Variants in CNBD1 observed in about 807,000 individuals in gnomAD.
CNBD1 encodes cyclic nucleotide-binding domain-containing protein 1.
In CNBD1, 71 loss-of-function variants were observed where a neutral mutation model predicts 54.4. The observed-to-expected ratio is 1.30, with a 90% CI of 1.08 to 1.59. The LOEUF is 1.59. Among genes scored for constraint, CNBD1 ranks in the 40% most tolerant of loss-of-function variants. The pLI, the probability that CNBD1 is intolerant of heterozygous loss-of-function variation, is 0.00. For synonymous variants in CNBD1, 182 were observed against 170.7 expected (o/e 1.07, Z -0.51); for missense variants, 659 against 518.0 (o/e 1.27, Z -2.64).
intron 10 of CNBD1, among the ~76,000 whole-genome samples, chr8:87,381,426 A>G (rs78647061): frequency 0.019 from 2,871 of 152,092 alleles, 91 homozygotes; most frequent in African/African-American, 0.062. Context: ...GCACTCTGTT[A>G]ATGGGAGCAC....
At chr8:87,177,404 T>C (rs930360097) in intron 4 of CNBD1, among the ~76,000 whole-genome samples, 4 of 152,164 alleles carry the variant, frequency 2.6e-5, no homozygotes, top group Admixed American at 6.6e-5. Flanking sequence ...GGAAAAAAAT[T>C]GGGAGATGGA....
chr8:87,285,458 C>T (rs1808675555), intron 7 of CNBD1, among the ~76,000 whole-genome samples: 1 of 152,272 alleles, frequency 6.6e-6, no homozygotes, highest in East Asian at 1.9e-4. Context: ...GAGATTGAGG[C>T]TAGGGGCGGT....
At chr8:87,057,869 A>G (rs907656616) in intron 4 of CNBD1, among the ~76,000 whole-genome samples, 3 of 151,564 alleles carry the variant, frequency 2.0e-5, no homozygotes, top group Non-Finnish European at 2.9e-5. Flanking sequence ...AAACAAAGAC[A>G]CACACACACA....
intron 2 of CNBD1, among the ~76,000 whole-genome samples, chr8:86,891,626 A>G (rs1808769974): frequency 6.6e-6 from 1 of 152,150 alleles, no homozygotes; most frequent in African/African-American, 2.4e-5. Context: ...TGTGAAGATG[A>G]CATTGGAATT....
chr8:87,372,652 T>G (rs1810837183), intron 10 of CNBD1, among the ~76,000 whole-genome samples: 1 of 151,788 alleles, frequency 6.6e-6, no homozygotes, highest in South Asian at 2.1e-4. Context: ...ACATAATACT[T>G]TATTTGTCCA....
rs535084319 is a variant in CNBD1 at position 87,018,071 on chromosome 8, C to T, written c.431+78317C>T. On this transcript the variant is annotated intron_variant, in intron 4 of 10. Coordinates refer to ENST00000518476, the MANE Select transcript of CNBD1 (RefSeq NM_173538.3). ...CCAGCCTGACCAACATGGAGAAACC[C>T]CATCTCTACTGAAAATGCAAAATTA... is the stretch of plus-strand genomic sequence containing the variant. Among the ~76,000 whole-genome samples the T allele has an allele frequency of 6.6e-5, 10 of 152,128 alleles. No homozygotes were observed. The South Asian group carries it at 2.1e-3, about 32-fold the overall frequency.
At chr8:87,276,646 A>G (rs1184163564) in intron 6 of CNBD1, among the ~76,000 whole-genome samples, 2 of 151,872 alleles carry the variant, frequency 1.3e-5, no homozygotes, top group Admixed American at 6.6e-5. Flanking sequence ...CTTGCTGAGA[A>G]CAACTATAAA....
At chr8:87,095,921 A>G (rs187060502) in intron 4 of CNBD1, among the ~76,000 whole-genome samples, 209 of 152,180 alleles carry the variant, frequency 1.4e-3, no homozygotes, top group Middle Eastern at 3.4e-3. Context: ...GCCTCCCAAA[A>G]TGTTGGGATT....
At chr8:87,232,786 G>A (rs753313808) in intron 5 of CNBD1, among the ~76,000 whole-genome samples, 15 of 152,092 alleles carry the variant, frequency 9.9e-5, no homozygotes, top group Non-Finnish European at 1.6e-4. Flanking sequence ...AGGGAAATGT[G>A]TTGGATGATG....
At chr8:86,891,179 G>C (rs1019628438) in intron 2 of CNBD1, among the ~76,000 whole-genome samples, 1 of 151,886 alleles carries the variant, frequency 6.6e-6, no homozygotes, top group Non-Finnish European at 1.5e-5. Context: ...CAATGTCATG[G>C]AACTTTTCCC....
intron 8 of CNBD1, among the ~76,000 whole-genome samples, chr8:87,303,284 CAG>C (rs1247937936): frequency 4.6e-5 from 7 of 151,856 alleles, no homozygotes; most frequent in Non-Finnish European, 2.9e-5. Flanking sequence ...GGTACCAAAA[CAG>C]AGATATAGAC....
intron 6 of CNBD1, among the ~76,000 whole-genome samples, chr8:87,265,622 G>A (rs997069328): frequency 2.0e-5 from 3 of 152,080 alleles, no homozygotes; most frequent in African/African-American, 7.2e-5. Context: ...TAGATTTGAG[G>A]ATGGCAGTTT....
chr8:87,426,780 G>T (rs535861885), intron 2 of CNBD1, among the ~76,000 whole-genome samples: 4 of 152,046 alleles, frequency 2.6e-5, no homozygotes, highest in Non-Finnish European at 5.9e-5. Flanking sequence ...AGTTTCCTTG[G>T]CTCACTTCTT....
intron 2 of CNBD1, among the ~76,000 whole-genome samples, chr8:87,413,813 C>T (rs553086010): frequency 7.0e-4 from 105 of 150,878 alleles, no homozygotes; most frequent in African/African-American, 1.9e-3. Flanking sequence ...AAATCAAAAC[C>T]ACAATGAGAT....
chr8:87,411,258 T>C (rs961203528), intron 2 of CNBD1, among the ~76,000 whole-genome samples: 1 of 151,682 alleles, frequency 6.6e-6, no homozygotes, highest in East Asian at 2.0e-4. Context: ...TAGTTGAAGC[T>C]AAACATATTT....
rs982888070 is a variant in CNBD1, at chr8:87,364,188, T to C, written c.1303+10402T>C. 5.3e-5 allele frequency among the ~76,000 whole-genome samples: 8 copies of C among 151,552 alleles called. No individual in the cohort carries two copies. In the East Asian group the frequency reaches 1.4e-3, roughly 26 times the overall value. ...TTAATTTTTACTTGGAGAGATTATCTCAAAAAATATTGTATATCACATATA... is the reference window on the plus strand; with the variant it reads ...TTAATTTTTACTTGGAGAGATTATCCCAAAAAATATTGTATATCACATATA... On this transcript the variant is annotated intron_variant, in intron 10 of 10. Transcript: ENST00000518476.
At position 87,060,468 on chromosome 8, in the gene CNBD1, C is replaced by T. The variant is rs564144624; in HGVS notation, c.431+120714C>T. Among the ~76,000 whole-genome samples, 10 of 152,278 alleles carry T rather than the reference C, an allele frequency of 6.6e-5. No homozygotes were observed. In the East Asian group the frequency reaches 1.5e-3, roughly 24 times the overall value. ...TTATAGGAGATAACCTAGTATATTA[C>T]AAAACATCACAAATTACATTTAAGT... On this transcript the variant is annotated intron_variant, in intron 4 of 10. Transcript: ENST00000518476.
At chr8:87,092,844 T>A (rs1296797323) in intron 4 of CNBD1, among the ~76,000 whole-genome samples, 2 of 152,152 alleles carry the variant, frequency 1.3e-5, no homozygotes, top group African/African-American at 2.4e-5. Flanking sequence ...ATTTGATGTC[T>A]CACAACCTCC....
chr8:87,167,980 T>C (rs1813000639), intron 4 of CNBD1, among the ~76,000 whole-genome samples: 2 of 152,050 alleles, frequency 1.3e-5, no homozygotes, highest in Admixed American at 1.3e-4. Flanking sequence ...AGTATGTTAC[T>C]ATAGGTTATT....
Sources: allele counts gnomAD v4.1 joint callset (sites outside exome capture counted in the v4.1 genomes callset), GRCh38; gene constraint gnomAD v4.1.1; transcripts MANE v1.5; gene names NCBI Gene and HGNC (gene_info 2026-07-23, HGNC 2026-07-21).